The following JMJD1C variants were observed in gnomAD, a reference collection of about 807,000 sequenced individuals.
JMJD1C encodes jumonji domain-containing protein 1C.
In JMJD1C, 31 loss-of-function variants were observed where a neutral mutation model predicts 245.3. The ratio of observed to expected loss-of-function variants is 0.13; its 90% confidence interval spans 0.09 to 0.17. The LOEUF (loss-of-function observed/expected upper bound fraction) is 0.17. JMJD1C is among the 10% of genes least tolerant of loss of function. The pLI, the probability that JMJD1C is intolerant of heterozygous loss-of-function variation, is 1.00. For synonymous variants in JMJD1C, 1,057 were observed against 1,017.4 expected (o/e 1.04, Z -0.74); for missense variants, 2,691 against 3,000.2 (o/e 0.90, Z 2.41).
chr10:63,311,903 ATTAGGTTATTC>A (rs1258644524), intron 2 of JMJD1C, among the ~76,000 whole-genome samples: 10 of 152,182 alleles, frequency 6.6e-5, no homozygotes, highest in African/African-American at 2.2e-4. Flanking sequence ...TTAGGAATGT[ATTAGGTTATTC>A]TTAATTTATT....
At chr10:63,442,563 C>CA (rs1049201364) in intron 1 of JMJD1C, among the ~76,000 whole-genome samples, 2 of 152,082 alleles carry the variant, frequency 1.3e-5, no homozygotes, top group African/African-American at 4.8e-5. Context: ...AAAATGTAAC[C>CA]AACCAGAAAA....
At chr10:63,401,608 G>A (rs941070042) in intron 1 of JMJD1C, among the ~76,000 whole-genome samples, 2 of 152,100 alleles carry the variant, frequency 1.3e-5, no homozygotes, top group African/African-American at 4.8e-5. Context: ...TCATGGCCCA[G>A]CATATGGTCT....
intron 1 of JMJD1C, among the ~76,000 whole-genome samples, chr10:63,480,440 C>T (rs552941478): frequency 4.6e-5 from 7 of 151,756 alleles, no homozygotes; most frequent in Admixed American, 3.9e-4. Flanking sequence ...ACACTGGCCT[C>T]GCAAAGCACT....
intron 16 of JMJD1C, among the ~76,000 whole-genome samples, chr10:63,191,673 A>C (rs540103142): frequency 3.2e-4 from 49 of 152,224 alleles, no homozygotes; most frequent in African/African-American, 1.2e-3. Flanking sequence ...AAAACACTAC[A>C]GCAAAGACAG....
chr10:63,368,556 C>T (rs557035018), intron 2 of JMJD1C, among the ~76,000 whole-genome samples: 8 of 152,142 alleles, frequency 5.3e-5, no homozygotes, highest in South Asian at 4.1e-4. Context: ...TCTGCTGAGG[C>T]GGCATAGCAA....
chr10:63,258,366 AT>A (rs1854242726), intron 3 of JMJD1C, among the ~76,000 whole-genome samples: 1 of 152,222 alleles, frequency 6.6e-6, no homozygotes, highest in Non-Finnish European at 1.5e-5. Flanking sequence ...GACCCAATCA[AT>A]TAGCTGCTTC....
chr10:63,518,179 C>G (rs1270443998), intron 1 of JMJD1C, among the ~76,000 whole-genome samples: 1 of 152,156 alleles, frequency 6.6e-6, no homozygotes, highest in African/African-American at 2.4e-5. Context: ...GTCCAATACA[C>G]AGAAATTATA....
chr10:63,458,454 C>T (rs1420319899), intron 1 of JMJD1C, among the ~76,000 whole-genome samples: 1 of 151,538 alleles, frequency 6.6e-6, no homozygotes. Context: ...CACTGTACTC[C>T]GCCTGGGCAA....
chr10:63,366,535 G>C (rs7092222), intron 2 of JMJD1C, among the ~76,000 whole-genome samples: 1 of 152,188 alleles, frequency 6.6e-6, no homozygotes, highest in Admixed American at 6.5e-5. Context: ...CAATGGTATC[G>C]GAAGTGGGCA....
At chr10:63,507,975 G>A (rs182394269) in intron 1 of JMJD1C, among the ~76,000 whole-genome samples, 43 of 152,022 alleles carry the variant, frequency 2.8e-4, no homozygotes, top group South Asian at 6.2e-4. Flanking sequence ...AGTAGTCGTC[G>A]TTTATCAAAT....
At chr10:63,392,983 G>A (rs759228468) in intron 1 of JMJD1C, among the ~76,000 whole-genome samples, 1 of 150,468 alleles carries the variant, frequency 6.6e-6, no homozygotes, top group Non-Finnish European at 1.5e-5. Flanking sequence ...TGAAAAAAAT[G>A]AGTCCAGGAG....
intron 1 of JMJD1C, among the ~76,000 whole-genome samples, chr10:63,514,925 A>G (rs1459750747): frequency 1.3e-5 from 2 of 151,884 alleles, no homozygotes; most frequent in Admixed American, 1.3e-4. Context: ...TTTTTTGTTA[A>G]AGGTGGACAT....
In JMJD1C at chr10:63,422,857, G is replaced by A. The variant is rs117857462; in HGVS notation, c.169-42375C>T. 7.3e-4 allele frequency among the ~76,000 whole-genome samples: 111 copies of A among 152,162 alleles called. 1 individual carries two copies. In the East Asian group the frequency reaches 0.02, roughly 28 times the overall value. On this transcript the variant is annotated intron_variant, in intron 1 of 25. Transcript: ENST00000399262. ...GTACTTTTTACAAAAATTGTGATAA[G>A]ATGTATAATATAAAGTTAATTTAAC...
intron 1 of JMJD1C, among the ~76,000 whole-genome samples, chr10:63,453,972 C>T (rs1952236975): frequency 6.6e-6 from 1 of 152,210 alleles, no homozygotes; most frequent in Admixed American, 6.5e-5. Flanking sequence ...ATCCGCTCGC[C>T]TCAGCCTCCC....
At chr10:63,393,770 T>G (rs1948260721) in intron 1 of JMJD1C, among the ~76,000 whole-genome samples, 1 of 152,230 alleles carries the variant, frequency 6.6e-6, no homozygotes. Context: ...ACAAATTTTG[T>G]GTACCTTCTA....
chr10:63,370,902 G>GT (rs1173806677), intron 2 of JMJD1C, among the ~76,000 whole-genome samples: 2 of 152,110 alleles, frequency 1.3e-5, no homozygotes, highest in Non-Finnish European at 2.9e-5. Flanking sequence ...AATAATAGTT[G>GT]TTTTTTAGGG....
Position 63,207,398 on chromosome 10 carries a change from A to G in JMJD1C, c.4271T>C (p.Ile1424Thr). The change falls in exon 10 of 26, where the codon ATT becomes ACT. Residue 1424 changes from isoleucine (I) to threonine (T), a missense_variant. By Grantham distance (89) the Ile-to-Thr change is moderately conservative. Around this residue, in one of 9 missense-constraint regions of JMJD1C, gnomAD observed 1,562 missense variants for 1,490.7 expected, o/e 1.05. Transcript: ENST00000399262. ...SEVISSLSNT[I>T]LASTSSECVS... The stretch of plus-strand genomic sequence containing the variant: ...ACATTCTGATGATGTAGAGGCCAAA[A>G]TGGTATTTGATAAAGAGGAAATTAC... 6.2e-7 allele frequency: 1 copy of G among 1,614,138 alleles called. No homozygotes were observed. The highest frequency in any genetic ancestry group is 8.5e-7 in the Non-Finnish European group (1 of 1,180,028).
At chr10:63,467,001 C>A (rs1330436775), upstream of JMJD1C, among the ~76,000 whole-genome samples, 1 of 125,834 alleles carries the variant, frequency 7.9e-6, no homozygotes, top group Admixed American at 7.5e-5. Flanking sequence ...TTTTCCTGAA[C>A]CTCTATTTAA....
intron 2 of JMJD1C, among the ~76,000 whole-genome samples, chr10:63,365,267 T>C (rs1945738443): frequency 6.6e-6 from 1 of 152,242 alleles, no homozygotes; most frequent in South Asian, 2.1e-4. Context: ...AACTGAATGT[T>C]TCATTTTCCA....
Sources: gnomAD v4.1 joint callset for allele counts (sites outside exome capture counted in the v4.1 genomes callset) on GRCh38, gnomAD v4.1.1 for gene constraint, gnomAD v4.1.1 regional missense constraint, MANE v1.5 for transcripts, NCBI Gene and HGNC (gene_info 2026-07-23, HGNC 2026-07-21) for gene names.